JAZF1: variants seen among roughly 807,000 people sequenced by gnomAD.
JAZF1 encodes the protein JAZF zinc finger 1.
Under a neutral mutation model 26.4 loss-of-function variants are expected in JAZF1, and 8 were observed. The ratio of observed to expected loss-of-function variants is 0.30; its 90% CI spans 0.18 to 0.55. The LOEUF is 0.55. JAZF1 is among the 20% of genes least tolerant of loss of function. The probability of loss-of-function intolerance (pLI) is 0.94; values close to 1 mark genes in which losing one functional copy is unlikely to be tolerated. For synonymous variants in JAZF1, 126 were observed against 122.3 expected (o/e 1.03, Z -0.20); for missense variants, 199 against 322.0 (o/e 0.62, Z 2.92).
intron 1 of JAZF1, among the ~76,000 whole-genome samples, chr7:28,135,863 A>G (rs1583579284): frequency 1.3e-5 from 2 of 152,308 alleles, no homozygotes; most frequent in African/African-American, 4.8e-5. Flanking sequence ...AACTAGGTGG[A>G]TGGAGATTAT....
At chr7:28,076,723 A>T (rs1784057158) in intron 1 of JAZF1, among the ~76,000 whole-genome samples, 1 of 152,070 alleles carries the variant, frequency 6.6e-6, no homozygotes, top group South Asian at 2.1e-4. Flanking sequence ...AAAAAAAAAA[A>T]AAAAAAATCC....
At chr7:27,955,434 TA>T (rs1345234614) in intron 2 of JAZF1, among the ~76,000 whole-genome samples, 2 of 152,228 alleles carry the variant, frequency 1.3e-5, no homozygotes, top group African/African-American at 4.8e-5. Context: ...GAAGGACTTT[TA>T]ATTAGCTTTC....
At chr7:28,061,477 A>G (rs1783796436) in intron 1 of JAZF1, among the ~76,000 whole-genome samples, 1 of 152,242 alleles carries the variant, frequency 6.6e-6, no homozygotes, top group Admixed American at 6.5e-5. Flanking sequence ...AACTGCTCTT[A>G]CCATTTAGGA....
rs377647264 is a variant in JAZF1 at position 27,990,100 on chromosome 7, A to C, written c.188+1809T>G. 3.1e-3 allele frequency among the ~76,000 whole-genome samples: 476 copies of C among 152,372 alleles called. 3 individuals are homozygous for C. The highest frequency in any genetic ancestry group is 0.011 in the South Asian group (52 of 4,832). ...ACATATACACCATGGAATACTATGCAGCCATAAAAAAGGATGAGTTCATGT... is the reference window on the plus strand; with the variant it reads ...ACATATACACCATGGAATACTATGCCGCCATAAAAAAGGATGAGTTCATGT... On this transcript the variant is annotated intron_variant, in intron 2 of 4. Coordinates refer to ENST00000283928, the MANE Select transcript of JAZF1 (RefSeq NM_175061.4).
At chr7:27,966,787 A>C (rs897445030) in intron 2 of JAZF1, among the ~76,000 whole-genome samples, 2 of 152,232 alleles carry the variant, frequency 1.3e-5, no homozygotes, top group Non-Finnish European at 2.9e-5. Flanking sequence ...TTTTGTCCAG[A>C]AAGTTCCTTC....
chr7:28,179,606 C>G (rs1380421733), intron 1 of JAZF1, among the ~76,000 whole-genome samples: 1 of 150,962 alleles, frequency 6.6e-6, no homozygotes, highest in Non-Finnish European at 1.5e-5. Context: ...GCCTCCAGGG[C>G]GCGTCGACCC....
intron 3 of JAZF1, among the ~76,000 whole-genome samples, chr7:27,849,746 C>CACACAGACACAG (rs1554329059): frequency 3.7e-5 from 5 of 135,492 alleles, no homozygotes; most frequent in African/African-American, 1.4e-4. Context: ...GGAACCCTTA[C>CACACAGACACAG]ACACAGACAC....
chr7:28,010,111 C>A (rs139777524), intron 1 of JAZF1, among the ~76,000 whole-genome samples: 1 of 152,174 alleles, frequency 6.6e-6, no homozygotes, highest in Non-Finnish European at 1.5e-5. Context: ...CACTCTATAC[C>A]TTTGGTTCTG....
chr7:28,057,892 C>T (rs1164711145), intron 1 of JAZF1, among the ~76,000 whole-genome samples: 2 of 152,156 alleles, frequency 1.3e-5, no homozygotes, highest in African/African-American at 4.8e-5. Flanking sequence ...TTTCAAAGAA[C>T]AAACTTTTGG....
At chr7:27,990,500 C>T (rs1328294353) in intron 2 of JAZF1, among the ~76,000 whole-genome samples, 1 of 151,024 alleles carries the variant, frequency 6.6e-6, no homozygotes, top group Admixed American at 6.6e-5. Context: ...AATATAAATA[C>T]AAATAATGAA....
Position 28,145,643 on chromosome 7 carries a change from CAG to C in JAZF1, c.115+34818_115+34819del. Among the ~76,000 whole-genome samples the C allele has an allele frequency of 3.9e-5, 6 of 152,184 alleles. 1 individual carries two copies. The East Asian group carries it at 7.7e-4, about 20-fold the overall frequency. On this transcript the variant is annotated intron_variant, in intron 1 of 4. Transcript: ENST00000283928. ...TACTGAGAAACAATTTATATAAAATCAGAGTCATCCATTTTTATGTGTGTAGT... is the reference window on the plus strand; with the variant it reads ...TACTGAGAAACAATTTATATAAAATCAGTCATCCATTTTTATGTGTGTAGT...
intron 2 of JAZF1, among the ~76,000 whole-genome samples, chr7:27,955,817 C>T (rs1032290675): frequency 2.6e-5 from 4 of 152,156 alleles, no homozygotes; most frequent in South Asian, 2.1e-4. Context: ...TGGAGGAGTG[C>T]CAAAGCTCAA....
At chr7:27,911,059 C>A (rs2128345298) in intron 2 of JAZF1, among the ~76,000 whole-genome samples, 1 of 152,304 alleles carries the variant, frequency 6.6e-6, no homozygotes, top group South Asian at 2.1e-4. Flanking sequence ...TTATATTAAC[C>A]ATGATGCACA....
intron 2 of JAZF1, among the ~76,000 whole-genome samples, chr7:27,957,234 G>A (rs1785112197): frequency 6.6e-6 from 1 of 152,170 alleles, no homozygotes; most frequent in Non-Finnish European, 1.5e-5. Flanking sequence ...ATTTATTCCT[G>A]AAATTTCTAG....
At chr7:28,106,757 T>C (rs1206213253) in intron 1 of JAZF1, among the ~76,000 whole-genome samples, 1 of 152,208 alleles carries the variant, frequency 6.6e-6, no homozygotes, top group Non-Finnish European at 1.5e-5. Context: ...AGGCTGCATA[T>C]AAATACTCCT....
At chr7:28,036,130 T>G (rs1048403364) in intron 1 of JAZF1, among the ~76,000 whole-genome samples, 2 of 152,204 alleles carry the variant, frequency 1.3e-5, no homozygotes, top group African/African-American at 4.8e-5. Context: ...TGCACTAATA[T>G]GTAACAACTG....
intron 2 of JAZF1, among the ~76,000 whole-genome samples, chr7:27,990,200 C>T (rs28707205): frequency 0.013 from 1,968 of 150,450 alleles, 46 homozygotes; most frequent in African/African-American, 0.046. Flanking sequence ...AACCAAACAC[C>T]GCATGTTCTC....
chr7:28,106,906 T>A (rs944377189), intron 1 of JAZF1, among the ~76,000 whole-genome samples: 1 of 152,210 alleles, frequency 6.6e-6, no homozygotes, highest in Non-Finnish European at 1.5e-5. Context: ...CATGGTCTAG[T>A]GGGCTAGCAC....
chr7:27,965,920 C>T (rs1583484040), intron 2 of JAZF1, among the ~76,000 whole-genome samples: 1 of 152,184 alleles, frequency 6.6e-6, no homozygotes, highest in African/African-American at 2.4e-5. Context: ...AGCAATGCAA[C>T]CACTGCATAT....
Sources: gnomAD v4.1 joint callset for allele counts (sites outside exome capture counted in the v4.1 genomes callset) on GRCh38, gnomAD v4.1.1 for gene constraint, MANE v1.5 for transcripts, NCBI Gene and HGNC (gene_info 2026-07-23, HGNC 2026-07-21) for gene names.